The following HNMT variants were observed in gnomAD, a reference collection of about 807,000 sequenced individuals.
The protein encoded by HNMT is histamine N-methyltransferase.
HNMT carries 30 observed loss-of-function variants against 32.1 expected under a neutral mutation model. The observed-to-expected ratio is 0.93, with a 90% CI of 0.70 to 1.27. The LOEUF (loss-of-function observed/expected upper bound fraction) is 1.27. Among genes scored for constraint, HNMT ranks in the 50% most tolerant of loss-of-function variants. The pLI, the probability that HNMT is intolerant of heterozygous loss-of-function variation, is 0.00. For missense variants in HNMT, 327 were observed against 346.0 expected, an observed-to-expected ratio of 0.95 and a Z score of 0.43; for synonymous variants, 125 against 119.0, an observed-to-expected ratio of 1.05 and a Z score of -0.33.
intron 5 of HNMT, among the ~76,000 whole-genome samples, chr2:138,009,721 A>G (rs768655039): frequency 1.3e-5 from 2 of 152,016 alleles, no homozygotes; most frequent in Non-Finnish European, 2.9e-5. Context: ...TGATCCACAA[A>G]ATTACTACTC....
Position 137,970,933 on chromosome 2 carries a change from A to AAAAAGAAAG in HNMT, c.190+719_190+720insAGAAAGAAA, listed in dbSNP as rs1424481237. ...AGACTACGTCTCAAAAAAAAAAAAA[A>AAAAAGAAAG]AAAGAAAGAAAGAAAGAAAGAAAGA... On this transcript the variant is annotated intron_variant, in intron 2 of 5. Coordinates refer to ENST00000280097, the MANE Select transcript of HNMT (RefSeq NM_006895.3). 1.6e-3 allele frequency among the ~76,000 whole-genome samples: 140 copies of AAAAAGAAAG among 86,686 alleles called. 3 individuals carry two copies. Among genetic ancestry groups the AAAAAGAAAG allele is most frequent in the African/African-American group, 6.1e-3 (137 of 22,444 alleles). 56.9% of individuals were successfully genotyped at this position (86,686 alleles called of 152,430 possible). A position where few individuals can be genotyped will look rare whatever the true frequency, so the allele number is the denominator to read the frequency against.
intron 2 of HNMT, among the ~76,000 whole-genome samples, chr2:137,990,348 G>A (rs1455013626): frequency 6.6e-6 from 1 of 152,090 alleles, no homozygotes; most frequent in Admixed American, 6.5e-5. Context: ...GACTATCTTT[G>A]CTCCATTGTA....
At chr2:138,001,070 G>A in intron 3 of HNMT, 45 bp downstream of exon 3, 1 of 964,230 alleles carries the variant, frequency 1.0e-6, no homozygotes, top group South Asian at 1.6e-5. Context: ...TATCCCAAAA[G>A]ACTTAACTCA....
chr2:137,980,099 G>A (rs6735963), intron 2 of HNMT, among the ~76,000 whole-genome samples: 9 of 150,582 alleles, frequency 6.0e-5, no homozygotes, highest in Non-Finnish European at 1.2e-4. Context: ...GCAGTGGCAC[G>A]ATCTCAGCTC....
At chr2:138,010,040 TG>T (rs1339749526) in intron 5 of HNMT, among the ~76,000 whole-genome samples, 1 of 152,108 alleles carries the variant, frequency 6.6e-6, no homozygotes, top group Non-Finnish European at 1.5e-5. Context: ...ACTTTCTTAA[TG>T]GAATTTGCTT....
intron 2 of HNMT, among the ~76,000 whole-genome samples, chr2:137,995,905 G>A (rs373688158): frequency 3.3e-5 from 5 of 151,882 alleles, no homozygotes; most frequent in African/African-American, 1.2e-4. Flanking sequence ...TAAACAGACC[G>A]AAAGACAAAA....
rs193275277 is a variant in HNMT, at chr2:137,973,086, A to G, written c.190+2869A>G. 1.2e-4 allele frequency among the ~76,000 whole-genome samples: 18 copies of G among 152,320 alleles called. No individual in the cohort carries two copies. The East Asian group carries it at 2.1e-3, about 18-fold the overall frequency. ...GGTGCCCTTTAAGGTCACTTTTCAT[A>G]AGAAATCAATCAGAAATGTAAGAAA... On this transcript the variant is annotated intron_variant, in intron 2 of 5. Transcript: ENST00000280097.
At chr2:137,979,033 C>T (rs1680397504) in intron 2 of HNMT, among the ~76,000 whole-genome samples, 1 of 141,712 alleles carries the variant, frequency 7.1e-6, no homozygotes, top group Admixed American at 7.2e-5. Flanking sequence ...ACTATATAGG[C>T]ATACTATAAT....
intron 2 of HNMT, among the ~76,000 whole-genome samples, chr2:137,980,826 T>C (rs1680470482): frequency 6.6e-6 from 1 of 152,166 alleles, no homozygotes; most frequent in Non-Finnish European, 1.5e-5. Flanking sequence ...GCTTTAATAC[T>C]GAGGTACCCA....
chr2:137,993,461 G>A (rs912475869), intron 2 of HNMT, among the ~76,000 whole-genome samples: 2 of 152,086 alleles, frequency 1.3e-5, no homozygotes, highest in African/African-American at 2.4e-5. Context: ...ATCAGAGTCT[G>A]AAGACAAGAC....
intron 1 of HNMT, chr2:137,966,953 G>C: frequency 1.5e-6 from 1 of 649,674 alleles, no homozygotes; most frequent in Non-Finnish European, 2.8e-6. Context: ...AGAACTTTAA[G>C]AGTGAACGAG....
intron 2 of HNMT, among the ~76,000 whole-genome samples, chr2:137,985,143 C>T (rs1364134628): frequency 1.3e-5 from 2 of 151,736 alleles, no homozygotes; most frequent in Non-Finnish European, 2.9e-5. Flanking sequence ...CACTATCTGC[C>T]TAAAACGTGC....
intron 2 of HNMT, among the ~76,000 whole-genome samples, chr2:137,983,491 C>T (rs1448201524): frequency 1.3e-5 from 2 of 151,972 alleles, no homozygotes; most frequent in Non-Finnish European, 2.9e-5. Context: ...CCCCTCAACC[C>T]TCATGAATTC....
intron 2 of HNMT, among the ~76,000 whole-genome samples, chr2:137,983,830 G>A (rs1055794458): frequency 3.3e-5 from 5 of 152,198 alleles, no homozygotes; most frequent in Non-Finnish European, 5.9e-5. Context: ...CTCCAGTAAA[G>A]GAGAATTTAT....
intron 1 of HNMT, among the ~76,000 whole-genome samples, chr2:137,965,773 A>C (rs1257014540): frequency 6.6e-6 from 1 of 152,162 alleles, no homozygotes; most frequent in Non-Finnish European, 1.5e-5. Flanking sequence ...ATTCTTTTTC[A>C]GTACTAAAAG....
intron 2 of HNMT, chr2:137,981,594 G>A: frequency 1.9e-6 from 1 of 535,764 alleles, no homozygotes; most frequent in South Asian, 3.0e-5. Flanking sequence ...ACATTTAGTG[G>A]GTGCTCAATA....
At chr2:137,982,548 A>G (rs917945929) in intron 2 of HNMT, among the ~76,000 whole-genome samples, 2 of 152,188 alleles carry the variant, frequency 1.3e-5, no homozygotes, top group East Asian at 3.8e-4. Flanking sequence ...AGAGAAGGAG[A>G]TTTTTAATAA....
At chr2:138,000,527 G>A (rs568439867) in intron 2 of HNMT, among the ~76,000 whole-genome samples, 4 of 149,836 alleles carry the variant, frequency 2.7e-5, no homozygotes, top group Admixed American at 6.7e-5. Flanking sequence ...TTTTTTTTTC[G>A]TATTTTAATA....
chr2:138,003,698 C>T (rs1418206827), intron 4 of HNMT, among the ~76,000 whole-genome samples: 1 of 152,048 alleles, frequency 6.6e-6, no homozygotes, highest in Admixed American at 6.6e-5. Flanking sequence ...CCAATGACCT[C>T]ACTTCATAAT....
Sources: allele counts gnomAD v4.1 joint callset (sites outside exome capture counted in the v4.1 genomes callset), GRCh38; gene constraint gnomAD v4.1.1; transcripts MANE v1.5; gene names NCBI Gene and HGNC (gene_info 2026-07-23, HGNC 2026-07-21).